The following MDN1 variants were observed in gnomAD, a reference collection of about 807,000 sequenced individuals.
The protein encoded by MDN1 is midasin AAA ATPase 1.
A neutral mutation model predicts 669.2 loss-of-function variants in MDN1; 266 were observed. The observed-to-expected ratio is 0.40, with a 90% CI of 0.36 to 0.44. The LOEUF (loss-of-function observed/expected upper bound fraction) is 0.44, where lower values mean the gene tolerates loss of function less well. MDN1 is among the 20% of genes least tolerant of loss of function. The probability of loss-of-function intolerance (pLI) is 1.00; values close to 1 mark genes in which losing one functional copy is unlikely to be tolerated. For synonymous variants in MDN1, 2,385 were observed against 2,457.1 expected, an observed-to-expected ratio of 0.97 and a Z score of 0.87; for missense variants, 5,940 against 6,754.0, an observed-to-expected ratio of 0.88 and a Z score of 4.22.
intron 37 of MDN1, among the ~76,000 whole-genome samples, chr6:89,726,105 CT>C (rs1257930473): frequency 6.6e-6 from 1 of 152,094 alleles, no homozygotes; most frequent in African/African-American, 2.4e-5. Flanking sequence ...TAAGTAATAA[CT>C]TGCAGAAAAA....
intron 11 of MDN1, among the ~76,000 whole-genome samples, chr6:89,778,939 A>AAAG (rs1562209673): frequency 1.2e-4 from 14 of 120,284 alleles, no homozygotes; most frequent in Non-Finnish European, 2.2e-4. Flanking sequence ...AATAAAAAAA[A>AAAG]AGGTATAGGG....
Position 89,751,420 on chromosome 6 carries a change from AG to A in MDN1, c.3227+10del, listed in dbSNP as rs940582860. 1 of 1,613,914 alleles carries A rather than the reference AG, an allele frequency of 6.2e-7. No individual in the cohort carries two copies. Among genetic ancestry groups the A allele is most frequent in the Non-Finnish European group, 8.5e-7 (1 of 1,179,928 alleles). ...ATCAAGTTCGGGGCAGCGAGAAAAA[AG>A]CCCACACACCCTGCAGAGACAACTC... is the stretch of plus-strand genomic sequence containing the variant. On this transcript the variant is annotated intron_variant, in intron 23 of 101. Transcript: ENST00000369393.
chr6:89,688,658 C>G lies in MDN1; in HGVS notation c.11174G>C (p.Arg3725Pro). ...FYQHPNVPEARQCQPVLQGFS... is the reference protein window; with the variant it reads ...FYQHPNVPEAPQCQPVLQGFS... ...ACCTTGAAGCACAGGTTGACACTGCCGTGCTTCTGGAACATTGGGATGCTG... is the reference window on the plus strand; with the variant it reads ...ACCTTGAAGCACAGGTTGACACTGCGGTGCTTCTGGAACATTGGGATGCTG... The change falls in exon 66 of 102, where the codon CGG (arginine) becomes CCG (proline). Residue 3725 changes from arginine to proline, a missense_variant. Arg to Pro is a moderately radical substitution (Grantham distance 103). Around this residue, in one of 5 missense-constraint regions of MDN1, gnomAD observed 2,280 missense variants for 2,576.3 expected, o/e 0.88. Transcript: ENST00000369393. 6.2e-7 allele frequency: 1 copy of G among 1,614,152 alleles called. No individual in the cohort carries two copies. Among genetic ancestry groups the G allele is most frequent in the Non-Finnish European group, 8.5e-7 (1 of 1,180,026 alleles).
rs956858565 is a variant in MDN1, at chr6:89,642,913, C to G, written c.*1092G>C. On this transcript the variant is annotated 3_prime_UTR_variant, in exon 102 of 102. Coordinates refer to ENST00000369393, the MANE Select transcript of MDN1 (RefSeq NM_014611.3). The stretch of plus-strand genomic sequence containing the variant: ...ACAAGGAATCTGTGTCTTTGATGAC[C>G]ACCTCAAAAGGGTCGCAGACTTCAC... 3 of 152,188 alleles carry G rather than the reference C, an allele frequency of 2.0e-5. No homozygotes were observed. Among genetic ancestry groups the G allele is most frequent in the African/African-American group, 7.2e-5 (3 of 41,442 alleles). The allele number at this position is 152,188 out of a possible 1,614,324, so 9.4% of individuals were successfully genotyped here.
rs777312899 is a variant in MDN1 at position 89,648,180 on chromosome 6, A to G, written c.16281-34T>C. ...AGGAAAACCAAATACAACAGGAGTT[A>G]TTTTTTGGCTGTGTGATCAAAATAA... On this transcript the variant is annotated intron_variant, in intron 98 of 101. Coordinates refer to ENST00000369393, the MANE Select transcript of MDN1 (RefSeq NM_014611.3). The G allele has an allele frequency of 7.5e-6, 12 of 1,608,144 alleles. No homozygotes were observed. The Admixed American group carries it at 1.8e-4, about 25-fold the overall frequency.
rs1296057482 is a variant in MDN1 at position 89,678,647 on chromosome 6, G to T, written c.12364C>A (p.Gln4122Lys). The change falls in exon 75 of 102, where the codon CAA (glutamine) becomes AAA (lysine). Residue 4122 changes from glutamine to lysine, a missense_variant. Gln to Lys is a moderately conservative substitution (Grantham distance 53). This residue lies in a region of MDN1 where 2,280 missense variants were observed against 2,576.3 expected (regional missense o/e 0.88). Transcript: ENST00000369393. The stretch of plus-strand genomic sequence containing the variant: ...AGGTCTGACAAAGCTCGCTGTTTTT[G>T]CATGAGAATGTGCTTGGCTTCTGAC... ...QRSEAKHILMQKQRALSDLFK... is the reference protein window; with the variant it reads ...QRSEAKHILMKKQRALSDLFK... The T allele has an allele frequency of 6.2e-6, 10 of 1,614,060 alleles. No individual in the cohort carries two copies. Among genetic ancestry groups the T allele is most frequent in the Non-Finnish European group, 6.8e-6 (8 of 1,179,984 alleles).
At chr6:89,672,166 A>T in intron 82 of MDN1, 34 bp downstream of exon 82, 1 of 1,537,774 alleles carries the variant, frequency 6.5e-7, no homozygotes, top group African/African-American at 1.4e-5. Context: ...GTGCATTCTG[A>T]AGAGGAAGAA....
chr6:89,708,710 T>C, intron 50 of MDN1, 82 bp from the exon 51 acceptor site: 1 of 1,455,414 alleles, frequency 6.9e-7, no homozygotes, highest in Non-Finnish European at 9.4e-7. Context: ...AATATTTTCA[T>C]TGTTTTACTT....
chr6:89,756,239 GAGAA>G, intron 20 of MDN1, 34 bp downstream of exon 20: 2 of 1,022,324 alleles, frequency 2.0e-6, no homozygotes, highest in Non-Finnish European at 2.9e-6. Flanking sequence ...TTCATGTTCA[GAGAA>G]AGAGCTTATA....
chr6:89,680,440 T>G (rs1811529821), intron 74 of MDN1, 149 bp downstream of exon 74: 1 of 856,050 alleles, frequency 1.2e-6, no homozygotes. Flanking sequence ...TTCTGAGCTC[T>G]GTGGGTTTTT....
intron 21 of MDN1, 68 bp downstream of exon 21, chr6:89,754,015 C>G: frequency 6.5e-7 from 1 of 1,530,370 alleles, no homozygotes; most frequent in Non-Finnish European, 8.8e-7. Context: ...GCATATGCAT[C>G]CCTATTCCTT....
At chr6:89,774,490 T>C (rs995182983) in intron 13 of MDN1, 131 bp downstream of exon 13, 47 of 618,596 alleles carry the variant, frequency 7.6e-5, no homozygotes, top group Non-Finnish European at 1.3e-4. Context: ...ACACTGCTCC[T>C]TCCCATATAG....
Position 89,710,716 on chromosome 6 carries a change from C to A in MDN1, c.7730G>T (p.Ser2577Ile). 1 of 1,598,522 alleles carries A rather than the reference C, an allele frequency of 6.3e-7. No homozygotes were observed. The highest frequency in any genetic ancestry group is 2.3e-5 in the East Asian group (1 of 44,216). The change falls in exon 50 of 102, where the codon AGT becomes ATT. Residue 2577 changes from serine (S) to isoleucine (I), a missense_variant. This residue lies in a region of MDN1 where 2,292 missense variants were observed against 2,638.3 expected (regional missense o/e 0.87). Transcript: ENST00000369393. ...TGGTTGTAATATTTTGAAAACATTA[C>A]TGACTGCACCTGAGAGGGAATGTGA... ...FYSHSLSGAV[S>I]NVFKILQPNT...
chr6:89,661,381 T>G (rs745716608), intron 88 of MDN1, 50 bp downstream of exon 88: 1 of 1,569,444 alleles, frequency 6.4e-7, no homozygotes, highest in African/African-American at 1.4e-5. Flanking sequence ...AATCAATTAC[T>G]GTTCACTAAT....
chr6:89,647,282 T>C (rs1247810107), intron 99 of MDN1, among the ~76,000 whole-genome samples: 1 of 152,168 alleles, frequency 6.6e-6, no homozygotes, highest in Non-Finnish European at 1.5e-5. Flanking sequence ...AAATACAAAA[T>C]GTCCAGGGCA....
At position 89,658,473 on chromosome 6, in the gene MDN1, TAAAAC is replaced by T. The variant is rs890602889; in HGVS notation, c.15022-108_15022-104del. ...CTTCCCCACTCCTCACTAAGGGTCTTAAAACAGAAACCTAGAACTCCTCGGAAGTG... is the reference window on the plus strand; with the variant it reads ...CTTCCCCACTCCTCACTAAGGGTCTTAGAAACCTAGAACTCCTCGGAAGTG... On this transcript the variant is annotated intron_variant, in intron 89 of 101. Transcript: ENST00000369393. 12 of 1,551,672 alleles carry T rather than the reference TAAAAC, an allele frequency of 7.7e-6. No homozygotes were observed. In the Admixed American group the frequency reaches 1.8e-4, roughly 24 times the overall value.
Position 89,668,186 on chromosome 6 carries a change from C to G in MDN1, c.13957-35G>C, listed in dbSNP as rs762019656. The G allele has an allele frequency of 4.3e-5, 69 of 1,608,394 alleles. 1 individual carries two copies. The South Asian group carries it at 7.6e-4, about 18-fold the overall frequency. ...AAGAAAAAGGAAGTGAACAATTAGGCACAAAAGCAATTTTAAAAGGAGATT... is the reference window on the plus strand; with the variant it reads ...AAGAAAAAGGAAGTGAACAATTAGGGACAAAAGCAATTTTAAAAGGAGATT... On this transcript the variant is annotated intron_variant, in intron 83 of 101. Coordinates refer to ENST00000369393, the MANE Select transcript of MDN1 (RefSeq NM_014611.3).
At chr6:89,723,266 GAGCCTCTTTCTCAAGACTTC>G (rs1814967856) in intron 39 of MDN1, 123 bp from the exon 40 acceptor site, 1 of 1,007,562 alleles carries the variant, frequency 9.9e-7, no homozygotes, top group South Asian at 1.6e-5. Context: ...GCTTGATTCA[GAGCCTCTTTCTCAAGACTTC>G]CAAATGCCTG....
At chr6:89,780,347 C>T in intron 10 of MDN1, 54 bp from the exon 11 acceptor site, 1 of 1,122,592 alleles carries the variant, frequency 8.9e-7, no homozygotes, top group East Asian at 2.6e-5. Context: ...AGGCCAAAGA[C>T]ATCAAAGGCA....
Sources: gnomAD v4.1 joint callset for allele counts (sites outside exome capture counted in the v4.1 genomes callset) on GRCh38, gnomAD v4.1.1 for gene constraint, gnomAD v4.1.1 regional missense constraint, MANE v1.5 for transcripts, NCBI Gene and HGNC (gene_info 2026-07-23, HGNC 2026-07-21) for gene names.